Variants in TIMM23B observed in about 807,000 individuals in gnomAD.
TIMM23B encodes translocase of inner mitochondrial membrane 23 homolog B, also known as mitochondrial import inner membrane translocase subunit Tim23B.
In TIMM23B, 27 loss-of-function variants were observed where a neutral mutation model predicts 27.3. The ratio of observed to expected loss-of-function variants is 0.99; its 90% CI spans 0.73 to 1.36. TIMM23B has a LOEUF of 1.36. TIMM23B is among the 40% of genes most tolerant of loss of function. TIMM23B has a pLI of 0.00. For missense variants in TIMM23B, 205 were observed against 244.2 expected, an observed-to-expected ratio of 0.84 and a Z score of 1.07; for synonymous variants, 73 against 92.4, an observed-to-expected ratio of 0.79 and a Z score of 1.21.
intron 6 of TIMM23B, among the ~76,000 whole-genome samples, chr10:49,960,669 C>A (rs1839866981): frequency 1.3e-5 from 2 of 150,812 alleles, no homozygotes; most frequent in African/African-American, 4.9e-5. Context: ...AAACTCTAGT[C>A]TGAGTCCAAA....
At chr10:49,966,750 A>G (rs1373955941) in intron 6 of TIMM23B, among the ~76,000 whole-genome samples, 16 of 152,010 alleles carry the variant, frequency 1.1e-4, no homozygotes. Flanking sequence ...GCTTGAACCC[A>G]GGAGATGGTG....
chr10:49,957,240 G>T (rs1168733419), intron 5 of TIMM23B, among the ~76,000 whole-genome samples: 2 of 150,332 alleles, frequency 1.3e-5, no homozygotes, highest in African/African-American at 2.5e-5. Context: ...TAACATTTGC[G>T]TATTTATTAT....
chr10:49,971,277 T>C (rs2132071672), intron 6 of TIMM23B, among the ~76,000 whole-genome samples: 1 of 150,448 alleles, frequency 6.6e-6, no homozygotes, highest in African/African-American at 2.5e-5. Flanking sequence ...TATTGTCCTA[T>C]GACCCTGCCA....
In TIMM23B at chr10:49,973,222, T is replaced by C. The variant is rs1840528171; in HGVS notation, c.*158T>C. The C allele has an allele frequency of 1.3e-5, 7 of 533,162 alleles. No homozygotes were observed. Among genetic ancestry groups the C allele is most frequent in the African/African-American group, 1.1e-4 (6 of 52,222 alleles). The allele number at this position is 533,162 out of a possible 1,614,324, so 33.0% of individuals were successfully genotyped here. The stretch of plus-strand genomic sequence containing the variant: ...GTAGTAGTCTCTGTCAGAGCTACAT[T>C]TTAAAGGAGAAAAAGAAACGTGAAG... On this transcript the variant is annotated 3_prime_UTR_variant, in exon 7 of 7. Transcript: ENST00000651259.
chr10:49,942,127 G>T lies in TIMM23B; in HGVS notation c.-68G>T. On this transcript the variant is annotated 5_prime_UTR_variant, in exon 1 of 7. An upstream open reading frame in the 5' UTR gains an earlier in-frame stop. Transcript: ENST00000651259. Reference sequence around the variant, plus strand: ...CGCGGGGTTACCCGCTGTTATTGAGGAGTAACGGCCCAGCGGACCACCCAG... The same window carrying T: ...CGCGGGGTTACCCGCTGTTATTGAGTAGTAACGGCCCAGCGGACCACCCAG... The T allele has an allele frequency of 6.7e-7, 1 of 1,503,622 alleles. No individual in the cohort carries two copies. Among genetic ancestry groups the T allele is most frequent in the Non-Finnish European group, 9.0e-7 (1 of 1,115,330 alleles). The allele number at this position is 1,503,622 out of a possible 1,614,324, so 93.1% of individuals were successfully genotyped here. A position where few individuals can be genotyped will look rare whatever the true frequency, so the allele number is the denominator to read the frequency against.
At chr10:49,957,440 AG>A (rs1839763012) in intron 5 of TIMM23B, among the ~76,000 whole-genome samples, 1 of 151,848 alleles carries the variant, frequency 6.6e-6, no homozygotes, top group Non-Finnish European at 1.5e-5. Context: ...TTTTTGGAGA[AG>A]GGGGTATCCC....
At chr10:49,960,240 G>T (rs1839854704) in intron 6 of TIMM23B, among the ~76,000 whole-genome samples, 1 of 150,348 alleles carries the variant, frequency 6.7e-6, no homozygotes, top group South Asian at 2.1e-4. Context: ...TTTCGGAGAT[G>T]GGGTCTCACT....
intron 1 of TIMM23B, 105 bp downstream of exon 1, chr10:49,942,405 C>G: frequency 1.3e-6 from 2 of 1,541,322 alleles, no homozygotes; most frequent in African/African-American, 2.8e-5. Context: ...TCCTTGCTGG[C>G]GTTTACAAGC....
intron 5 of TIMM23B, among the ~76,000 whole-genome samples, chr10:49,955,639 A>C (rs1250551411): frequency 6.6e-6 from 1 of 152,234 alleles, no homozygotes; most frequent in Admixed American, 6.5e-5. Flanking sequence ...CACTTACAAT[A>C]GATCTCTTAT....
At chr10:49,949,197 C>T (rs1215968738) in intron 2 of TIMM23B, among the ~76,000 whole-genome samples, 10,793 of 106,642 alleles carry the variant, frequency 0.1, 915 homozygotes, top group African/African-American at 0.24. Context: ...CATGCCTGGC[C>T]TTTTTTTTTT....
chr10:49,959,053 A>G (rs1385250720), intron 6 of TIMM23B, among the ~76,000 whole-genome samples: 4 of 152,208 alleles, frequency 2.6e-5, no homozygotes, highest in Admixed American at 1.3e-4. Flanking sequence ...ATTGTGAATA[A>G]TGCTGCTACG....
chr10:49,966,597 A>G (rs1222871793), intron 6 of TIMM23B, among the ~76,000 whole-genome samples: 3 of 152,078 alleles, frequency 2.0e-5, no homozygotes, highest in Admixed American at 6.5e-5. Flanking sequence ...AGGCCGAGGC[A>G]GGTGGATCAC....
intron 1 of TIMM23B, among the ~76,000 whole-genome samples, chr10:49,944,418 T>A (rs1178166350): frequency 1.9e-3 from 293 of 152,040 alleles, no homozygotes; most frequent in African/African-American, 6.3e-3. Context: ...TACAGAAGGA[T>A]CCAAAGATGA....
intron 4 of TIMM23B, among the ~76,000 whole-genome samples, chr10:49,952,900 T>TA (rs1488328927): frequency 6.6e-6 from 1 of 152,046 alleles, no homozygotes; most frequent in Non-Finnish European, 1.5e-5. Flanking sequence ...TAATGAAGAA[T>TA]AAGCAGCTCA....
intron 4 of TIMM23B, among the ~76,000 whole-genome samples, chr10:49,952,968 T>C (rs1554914371): frequency 6.6e-6 from 1 of 152,226 alleles, no homozygotes; most frequent in Non-Finnish European, 1.5e-5. Context: ...GTCTTGACTT[T>C]GTTTCCGAAG....
At chr10:49,948,086 A>G (rs1356988160) in intron 2 of TIMM23B, among the ~76,000 whole-genome samples, 2 of 152,258 alleles carry the variant, frequency 1.3e-5, no homozygotes, top group Non-Finnish European at 2.9e-5. Context: ...TTGAGTAGAC[A>G]TTTCTCTATG....
intron 2 of TIMM23B, among the ~76,000 whole-genome samples, chr10:49,950,535 A>T (rs1366427360): frequency 8.1e-5 from 11 of 135,462 alleles, no homozygotes; most frequent in African/African-American, 1.4e-4. Flanking sequence ...TTTTTTTTTA[A>T]GTTTTCTTTT....
chr10:49,958,318 A>G lies in TIMM23B; in HGVS notation c.404-52A>G. 2.9e-6 allele frequency: 4 copies of G among 1,387,168 alleles called. No individual in the cohort carries two copies. In the South Asian group the frequency reaches 3.5e-5, roughly 12 times the overall value. The allele number at this position is 1,387,168 out of a possible 1,614,324, so 85.9% of individuals were successfully genotyped here. A position where few individuals can be genotyped will look rare whatever the true frequency, so the allele number is the denominator to read the frequency against. On this transcript the variant is annotated intron_variant, in intron 5 of 6. Transcript: ENST00000651259. ...TGAAAACCAATATATGTATATCATA[A>G]TATCACACTTTATCACTGTTTTGTC...
At chr10:49,942,776 A>AC (rs1839186317) in intron 1 of TIMM23B, among the ~76,000 whole-genome samples, 3 of 151,848 alleles carry the variant, frequency 2.0e-5, no homozygotes, top group Admixed American at 1.3e-4. Context: ...AGGCTAGGAA[A>AC]CCTTCTTTAG....
Sources: allele counts gnomAD v4.1 joint callset (sites outside exome capture counted in the v4.1 genomes callset), GRCh38; gene constraint gnomAD v4.1.1; transcripts MANE v1.5; gene names NCBI Gene and HGNC (gene_info 2026-07-23, HGNC 2026-07-21).